ACYP2: variants seen among roughly 807,000 people sequenced by gnomAD.
The protein encoded by ACYP2 is acylphosphatase 2.
In ACYP2, 12 loss-of-function variants were observed where a neutral mutation model predicts 11.2. The observed-to-expected ratio is 1.08, with a 90% CI of 0.69 to 1.74. The LOEUF (loss-of-function observed/expected upper bound fraction) is 1.74, where lower values mean the gene tolerates loss of function less well. Among genes scored for constraint, ACYP2 ranks in the 40% most tolerant of loss-of-function variants. ACYP2 has a pLI of 0.00. For missense variants in ACYP2, 134 were observed against 101.9 expected (o/e 1.31, Z -1.35); for synonymous variants, 43 against 32.2 (o/e 1.33, Z -1.13).
intron 6 of ACYP2, among the ~76,000 whole-genome samples, chr2:54,201,642 C>CTTTCTTTCTTTCTTTGTTTCTT (rs1684813657): frequency 1.3e-5 from 1 of 78,250 alleles, no homozygotes; most frequent in Non-Finnish European, 2.6e-5. Flanking sequence ...CTTTCTCTTT[C>CTTTCTTTCTTTCTTTGTTTCTT]TTTCTTTCTT....
chr2:54,010,195 A>C (rs1403345281), intron 2 of ACYP2, among the ~76,000 whole-genome samples: 1 of 152,132 alleles, frequency 6.6e-6, no homozygotes, highest in Non-Finnish European at 1.5e-5. Flanking sequence ...TCAAAAAGTC[A>C]TGAACTGGCC....
chr2:54,231,311 T>C (rs1340219387), intron 6 of ACYP2, among the ~76,000 whole-genome samples: 1 of 152,184 alleles, frequency 6.6e-6, no homozygotes. Context: ...TTTTACAGAG[T>C]TTGACTCTTT....
At chr2:54,047,062 AAG>A (rs1675565797) in intron 2 of ACYP2, among the ~76,000 whole-genome samples, 1 of 152,238 alleles carries the variant, frequency 6.6e-6, no homozygotes, top group South Asian at 2.1e-4. Context: ...ATCAGTGACA[AAG>A]ATTTAGATGA....
chr2:54,092,318 A>AGAAGTTGG (rs1203009844), intron 4 of ACYP2, among the ~76,000 whole-genome samples: 1 of 152,200 alleles, frequency 6.6e-6, no homozygotes, highest in Non-Finnish European at 1.5e-5. Context: ...GATAATCAGG[A>AGAAGTTGG]GAAGTTGGGA....
At chr2:54,207,144 T>A (rs1287269122) in intron 6 of ACYP2, among the ~76,000 whole-genome samples, 1 of 137,468 alleles carries the variant, frequency 7.3e-6, no homozygotes, top group Non-Finnish European at 1.5e-5. Flanking sequence ...TATCTCAAGT[T>A]ATTATATGTA....
At chr2:54,188,886 C>T (rs756950204) in intron 6 of ACYP2, among the ~76,000 whole-genome samples, 1 of 152,180 alleles carries the variant, frequency 6.6e-6, no homozygotes, top group African/African-American at 2.4e-5. Context: ...GCTCTGCTTT[C>T]TCCTGTTTCT....
In ACYP2 at chr2:54,202,393, C is replaced by A. The variant is rs560011625; in HGVS notation, c.404+63645C>A. ...AAGTGCTGGGATTACAGGCATGAGC[C>A]ACTGTGCCTGGCTTTTTTTTTTTTT... On this transcript the variant is annotated intron_variant, in intron 6 of 6. Coordinates refer to ENST00000607452, the MANE Select transcript of ACYP2 (RefSeq NM_001320586.2). 7.4e-5 allele frequency among the ~76,000 whole-genome samples: 11 copies of A among 148,984 alleles called. No individual in the cohort carries two copies. The South Asian group carries it at 2.3e-3, about 32-fold the overall frequency.
Position 54,193,895 on chromosome 2 carries a change from T to C in ACYP2, c.404+55147T>C, listed in dbSNP as rs1019074212. ...AGAAACACTCTCATTTATGATTCAT[T>C]TAAAACTTGCTTAAACATTATAGAG... On this transcript the variant is annotated intron_variant, in intron 6 of 6. Transcript: ENST00000607452. Among the ~76,000 whole-genome samples the C allele has an allele frequency of 3.9e-5, 6 of 152,236 alleles. No individual in the cohort carries two copies. The East Asian group carries it at 1.2e-3, about 29-fold the overall frequency.
chr2:54,253,796 A>C (rs1687349017), intron 6 of ACYP2: 1 of 152,204 alleles, frequency 6.6e-6, no homozygotes, highest in South Asian at 2.1e-4. Context: ...GGAATTGCTA[A>C]AGAGGGGTGA....
intron 6 of ACYP2, among the ~76,000 whole-genome samples, chr2:54,165,533 T>TCACACACACACACA (rs1326165242): frequency 1.1e-4 from 14 of 123,640 alleles, no homozygotes; most frequent in African/African-American, 4.5e-4. Flanking sequence ...TCTCTCTCTC[T>TCACACACACACACA]CTCACACACA....
At chr2:54,002,392 C>A (rs1672842885) in intron 2 of ACYP2, among the ~76,000 whole-genome samples, 1 of 150,040 alleles carries the variant, frequency 6.7e-6, no homozygotes, top group East Asian at 1.9e-4. Flanking sequence ...GTTGCCCAGG[C>A]TGGAGTGCGG....
At chr2:54,255,407 G>A in intron 6 of ACYP2, 2 of 1,614,026 alleles carry the variant, frequency 1.2e-6, no homozygotes, top group Non-Finnish European at 1.7e-6. Flanking sequence ...CAGAAGCCCG[G>A]GATATTGCGA....
At chr2:54,123,386 G>A in intron 4 of ACYP2, 2 of 398,582 alleles carry the variant, frequency 5.0e-6, no homozygotes, top group East Asian at 3.6e-5. Flanking sequence ...ATTGGAGAAT[G>A]ACTGCCCTTG....
rs10542497 is a variant in ACYP2, at chr2:54,119,051, C to CTTT, written c.278-16372_278-16370dup. Among the ~76,000 whole-genome samples, 152 of 43,764 alleles carry CTTT rather than the reference C, an allele frequency of 3.5e-3. 7 individuals are homozygous for CTTT. The highest frequency in any genetic ancestry group is 9.8e-3 in the East Asian group (11 of 1,126). 28.7% of individuals were successfully genotyped at this position (43,764 alleles called of 152,430 possible). On this transcript the variant is annotated intron_variant, in intron 4 of 6. Coordinates refer to ENST00000607452, the MANE Select transcript of ACYP2 (RefSeq NM_001320586.2). The stretch of plus-strand genomic sequence containing the variant: ...GAAGTGGGATTTGAATCTTAGTAGT[C>CTTT]TTTTTTTTTTTTTTTTTTTTTTTTT...
intron 2 of ACYP2, among the ~76,000 whole-genome samples, chr2:54,037,608 A>G (rs898787294): frequency 7.2e-5 from 11 of 152,062 alleles, no homozygotes; most frequent in Middle Eastern, 6.8e-3. Context: ...AGATCTCACA[A>G]TGTTACCCAG....
At chr2:54,039,717 C>T (rs1223784336) in intron 2 of ACYP2, among the ~76,000 whole-genome samples, 1 of 152,034 alleles carries the variant, frequency 6.6e-6, no homozygotes, top group Non-Finnish European at 1.5e-5. Flanking sequence ...CACATGCAGC[C>T]CTTTGGAGGG....
chr2:54,270,189 G>GT (rs201266614), intron 6 of ACYP2, among the ~76,000 whole-genome samples: 3,934 of 151,898 alleles, frequency 0.026, 91 homozygotes, highest in Middle Eastern at 0.027. Flanking sequence ...ATCATTGTTA[G>GT]TTTTTTTATG....
Position 53,972,103 on chromosome 2 carries a change from T to A in ACYP2, c.-37+782T>A, listed in dbSNP as rs1368174304. On this transcript the variant is annotated intron_variant, in intron 1 of 6. Coordinates refer to ENST00000607452, the MANE Select transcript of ACYP2 (RefSeq NM_001320586.2). ...GGCGGGCGGATCACGAGGTCAGGAG[T>A]TCGAGACCAGTCTGGCCAACATGGT... is the stretch of plus-strand genomic sequence containing the variant. Among the ~76,000 whole-genome samples the A allele has an allele frequency of 9.4e-3, 1,044 of 111,590 alleles. 14 individuals are homozygous for A. The highest frequency in any genetic ancestry group is 0.029 in the African/African-American group (851 of 28,866). The allele number at this position is 111,590 out of a possible 152,430, so 73.2% of individuals were successfully genotyped here. A position where few individuals can be genotyped will look rare whatever the true frequency, so the allele number is the denominator to read the frequency against.
chr2:54,301,076 A>G (rs938359989), intron 6 of ACYP2, among the ~76,000 whole-genome samples: 9 of 152,134 alleles, frequency 5.9e-5, no homozygotes, highest in African/African-American at 1.9e-4. Context: ...ACCATATGCC[A>G]TACGTATATT....
Sources: allele counts gnomAD v4.1 joint callset (sites outside exome capture counted in the v4.1 genomes callset), GRCh38; gene constraint gnomAD v4.1.1; transcripts MANE v1.5; gene names NCBI Gene and HGNC (gene_info 2026-07-23, HGNC 2026-07-21).